Variants in RBFOX2 observed in about 807,000 individuals in gnomAD.
The protein encoded by RBFOX2 is RNA binding fox-1 homolog 2.
In RBFOX2, 10 loss-of-function variants were observed where a neutral mutation model predicts 49.1. The observed-to-expected ratio is 0.20, with a 90% CI of 0.13 to 0.35. RBFOX2 has a LOEUF of 0.35. Ranked by LOEUF, RBFOX2 falls within the 10% of genes least tolerant of loss-of-function variation. The pLI is 1.00. For missense variants in RBFOX2, 323 were observed against 486.9 expected (o/e 0.66, Z 3.17); for synonymous variants, 183 against 187.4 (o/e 0.98, Z 0.19).
At chr22:35,853,763 G>A (rs904201961) in intron 1 of RBFOX2, among the ~76,000 whole-genome samples, 1 of 148,934 alleles carries the variant, frequency 6.7e-6, no homozygotes, top group Admixed American at 6.8e-5. Context: ...GCTGGTTTTC[G>A]CTTACTAATT....
At chr22:35,778,304 TCA>T (rs1029307736) in intron 3 of RBFOX2, among the ~76,000 whole-genome samples, 4 of 152,228 alleles carry the variant, frequency 2.6e-5, no homozygotes, top group African/African-American at 7.2e-5. Flanking sequence ...CCAAAGTTAT[TCA>T]CAGTGTTAGC....
chr22:35,773,705 C>T (rs955479258), intron 4 of RBFOX2, among the ~76,000 whole-genome samples: 8 of 151,948 alleles, frequency 5.3e-5, no homozygotes, highest in African/African-American at 1.9e-4. Context: ...AATACATATC[C>T]ATTCAATAGA....
intron 9 of RBFOX2, among the ~76,000 whole-genome samples, chr22:35,757,396 T>A (rs774788870): frequency 6.6e-6 from 1 of 152,186 alleles, no homozygotes; most frequent in Non-Finnish European, 1.5e-5. Flanking sequence ...TTCTTCTTCA[T>A]CTCTGTGAAG....
chr22:35,846,064 T>C (rs1404872435), intron 1 of RBFOX2, among the ~76,000 whole-genome samples: 5 of 150,598 alleles, frequency 3.3e-5, no homozygotes, highest in African/African-American at 7.3e-5. Context: ...TATGTTAATA[T>C]AATTACATAC....
chr22:35,843,035 A>G (rs2040707021), upstream of RBFOX2, among the ~76,000 whole-genome samples: 1 of 151,942 alleles, frequency 6.6e-6, no homozygotes, highest in African/African-American at 2.4e-5. Context: ...TGACAGGCTC[A>G]TAGTGAGGTC....
intron 1 of RBFOX2, among the ~76,000 whole-genome samples, chr22:35,959,334 G>A (rs1269810670): frequency 6.6e-6 from 1 of 152,148 alleles, no homozygotes; most frequent in African/African-American, 2.4e-5. Context: ...TCTGTTACAT[G>A]TTACGCAGCA....
At chr22:35,849,288 TACACACACAAACACACACACAC>T (rs2041605030) in intron 1 of RBFOX2, among the ~76,000 whole-genome samples, 1 of 96,852 alleles carries the variant, frequency 1.0e-5, no homozygotes, top group Non-Finnish European at 2.1e-5. Flanking sequence ...CACACACACA[TACACACACAAACACACACACAC>T]ACACACACAC....
chr22:35,886,734 G>T (rs1450523162), intron 1 of RBFOX2, among the ~76,000 whole-genome samples: 1 of 152,180 alleles, frequency 6.6e-6, no homozygotes, highest in Non-Finnish European at 1.5e-5. Flanking sequence ...AGATTGAACT[G>T]CATTGACTGA....
At chr22:35,821,983 C>A (rs753626578) in intron 1 of RBFOX2, 1 of 518,674 alleles carries the variant, frequency 1.9e-6, no homozygotes, top group Non-Finnish European at 3.9e-6. Flanking sequence ...CTCTACACAA[C>A]CTTCCTGAAG....
rs945066249 is a variant in RBFOX2, at chr22:35,891,681, A to C, written c.-34+47166T>G. Among the ~76,000 whole-genome samples, 15 of 152,308 alleles carry C rather than the reference A, an allele frequency of 9.8e-5. No individual in the cohort carries two copies. The South Asian group carries it at 3.1e-3, about 32-fold the overall frequency. ...AACATATCCTGTTTTCTGGTAATTT[A>C]AGTAAGTGGTCTATAATTATGTTTA... On this transcript the variant is annotated intron_variant, in intron 1 of 13. Coordinates refer to the RBFOX2 transcript ENST00000359369.
chr22:35,809,089 G>C (rs1951315047), intron 2 of RBFOX2, among the ~76,000 whole-genome samples: 1 of 151,578 alleles, frequency 6.6e-6, no homozygotes, highest in Admixed American at 6.6e-5. Context: ...GTCCTATGTG[G>C]AGGATAGATA....
chr22:35,963,895 G>A (rs1040803518), upstream of RBFOX2, among the ~76,000 whole-genome samples: 12 of 152,032 alleles, frequency 7.9e-5, no homozygotes, highest in East Asian at 1.9e-4. Flanking sequence ...ACAGGCAAGC[G>A]CCACCGGGCC....
At chr22:35,873,306 A>G (rs2044602236) in intron 1 of RBFOX2, among the ~76,000 whole-genome samples, 1 of 150,412 alleles carries the variant, frequency 6.6e-6, no homozygotes, top group Admixed American at 6.6e-5. Flanking sequence ...TGATTTTTGC[A>G]TTTTTTGTAG....
At chr22:35,850,331 C>G (rs934516451) in intron 1 of RBFOX2, among the ~76,000 whole-genome samples, 1 of 152,062 alleles carries the variant, frequency 6.6e-6, no homozygotes, top group East Asian at 1.9e-4. Flanking sequence ...CACACTGATA[C>G]ACGCAGTAAG....
intron 2 of RBFOX2, among the ~76,000 whole-genome samples, chr22:35,808,826 C>A (rs1438395774): frequency 2.0e-5 from 3 of 152,010 alleles, no homozygotes; most frequent in Non-Finnish European, 4.4e-5. Context: ...GCACTCCAGC[C>A]TGGACAACAA....
At chr22:35,806,093 C>G (rs920062443) in intron 2 of RBFOX2, among the ~76,000 whole-genome samples, 1 of 152,030 alleles carries the variant, frequency 6.6e-6, no homozygotes, top group Non-Finnish European at 1.5e-5. Context: ...ACCCACAGAA[C>G]GTACACCAGT....
At chr22:35,897,623 T>C (rs933646989) in intron 1 of RBFOX2, 6 of 1,361,856 alleles carry the variant, frequency 4.4e-6, no homozygotes, top group Non-Finnish European at 5.3e-6. Context: ...GCAAAGGTTT[T>C]CCCATTGGCA....
chr22:35,820,506 G>A (rs1428969401), intron 1 of RBFOX2, among the ~76,000 whole-genome samples: 1 of 152,004 alleles, frequency 6.6e-6, no homozygotes, highest in African/African-American at 2.4e-5. Flanking sequence ...CTCAAAAAGG[G>A]GGAAAATCAT....
At chr22:35,820,902 T>C (rs1048414393) in intron 1 of RBFOX2, among the ~76,000 whole-genome samples, 9 of 152,102 alleles carry the variant, frequency 5.9e-5, no homozygotes, top group African/African-American at 2.2e-4. Flanking sequence ...AGCTATGAAC[T>C]ACATACAATA....
Sources: gnomAD v4.1 joint callset for allele counts (sites outside exome capture counted in the v4.1 genomes callset) on GRCh38, gnomAD v4.1.1 for gene constraint, MANE v1.5 for transcripts, NCBI Gene and HGNC (gene_info 2026-07-23, HGNC 2026-07-21) for gene names.